The following TRIP11 variants were observed in gnomAD, a reference collection of about 807,000 sequenced individuals.
The protein encoded by TRIP11 is thyroid receptor-interacting protein 11.
A neutral mutation model predicts 223.1 loss-of-function variants in TRIP11; 148 were observed. The observed-to-expected ratio is 0.66, with a 90% confidence interval of 0.58 to 0.76. TRIP11 has a LOEUF of 0.76. Among genes scored for constraint, TRIP11 ranks in the 30% least tolerant of loss-of-function variants. TRIP11 has a pLI of 0.00. For synonymous variants in TRIP11, 762 were observed against 772.6 expected, an observed-to-expected ratio of 0.99 and a Z score of 0.23; for missense variants, 2,043 against 2,222.0, an observed-to-expected ratio of 0.92 and a Z score of 1.62.
chr14:92,017,113 G>A (rs932418225), intron 5 of TRIP11, among the ~76,000 whole-genome samples: 2 of 151,834 alleles, frequency 1.3e-5, no homozygotes, highest in African/African-American at 4.8e-5. Flanking sequence ...TAATAAAGAC[G>A]GTTTTACAAG....
chr14:92,021,434 A>T, intron 4 of TRIP11, 122 bp downstream of exon 4: 2 of 946,270 alleles, frequency 2.1e-6, no homozygotes, highest in Non-Finnish European at 3.2e-6. Context: ...GAATTAGAAT[A>T]CACCTTTTCT....
In TRIP11 at chr14:92,025,287, G is replaced by C. The variant is rs759234066; in HGVS notation, c.312+23C>G. On this transcript the variant is annotated intron_variant, in intron 3 of 20. Transcript: ENST00000267622. ...AAATACATTACAGTGAAGTACATAT[G>C]AAGTAACTGTGATAACATTTACCTC... 3 of 1,524,506 alleles carry C rather than the reference G, an allele frequency of 2.0e-6. No homozygotes were observed. The South Asian group carries it at 3.4e-5, about 17-fold the overall frequency. The allele number at this position is 1,524,506 out of a possible 1,614,324, so 94.4% of individuals were successfully genotyped here.
At chr14:91,990,381 G>A (rs1220383672) in intron 15 of TRIP11, among the ~76,000 whole-genome samples, 2 of 151,478 alleles carry the variant, frequency 1.3e-5, no homozygotes, top group East Asian at 1.9e-4. Context: ...CCAGTTGTTT[G>A]GTTTTTATTT....
chr14:91,992,341 G>C (rs890416882), intron 15 of TRIP11, among the ~76,000 whole-genome samples: 1 of 152,044 alleles, frequency 6.6e-6, no homozygotes, highest in African/African-American at 2.4e-5. Context: ...GGATGTGAAG[G>C]GGTGCATAAG....
chr14:92,001,219 TAG>T (rs1386693442), intron 11 of TRIP11, among the ~76,000 whole-genome samples: 3 of 152,206 alleles, frequency 2.0e-5, no homozygotes, highest in Non-Finnish European at 4.4e-5. Flanking sequence ...ATTTACAGTT[TAG>T]TATATTTTTA....
At chr14:91,995,750 G>C (rs913017823) in intron 13 of TRIP11, among the ~76,000 whole-genome samples, 1 of 151,778 alleles carries the variant, frequency 6.6e-6, no homozygotes, top group East Asian at 1.9e-4. Context: ...TGAGTAGCTG[G>C]GGTTATAGGC....
intron 6 of TRIP11, 71 bp downstream of exon 6, chr14:92,015,625 T>A: frequency 7.3e-7 from 1 of 1,369,438 alleles, no homozygotes; most frequent in Admixed American, 2.2e-5. Flanking sequence ...GCCAGTGCAC[T>A]CCAGCCTGGG....
At chr14:92,015,177 T>C (rs1361366927) in intron 6 of TRIP11, among the ~76,000 whole-genome samples, 1 of 152,136 alleles carries the variant, frequency 6.6e-6, no homozygotes, top group Non-Finnish European at 1.5e-5. Flanking sequence ...ATGCTGGGGT[T>C]ATAGCCATAA....
intron 14 of TRIP11, among the ~76,000 whole-genome samples, chr14:91,994,546 A>G (rs2056724028): frequency 6.6e-6 from 1 of 152,104 alleles, no homozygotes; most frequent in African/African-American, 2.4e-5. Flanking sequence ...GCCCGGCAAG[A>G]ATTCTTATAT....
In TRIP11 at chr14:92,000,122, A is replaced by G; in HGVS notation, c.4558-14T>C. 6.2e-7 allele frequency: 1 copy of G among 1,613,720 alleles called. No homozygotes were observed. The highest frequency in any genetic ancestry group is 8.5e-7 in the Non-Finnish European group (1 of 1,179,910). On this transcript the variant is annotated splice_polypyrimidine_tract_variant and intron_variant, in intron 11 of 20. Coordinates refer to ENST00000267622, the MANE Select transcript of TRIP11 (RefSeq NM_004239.4). ...TCCAGTCTTGCCCTTTTGGAAAGAA[A>G]AAATTTTAGCTTTAAAAAACACACA...
Position 92,020,708 on chromosome 14 carries a change from C to T in TRIP11, c.588+848G>A, listed in dbSNP as rs1192994909. Among the ~76,000 whole-genome samples, 3 of 149,610 alleles carry T rather than the reference C, an allele frequency of 2.0e-5. No individual in the cohort carries two copies. In the East Asian group the frequency reaches 5.8e-4, roughly 29 times the overall value. On this transcript the variant is annotated intron_variant, in intron 4 of 20. Transcript: ENST00000267622. ...GTTGCTTTTTTTTGAAAATTTTTTC[C>T]AAATAGTGTACAGAAAGGGAAACTC... is the stretch of plus-strand genomic sequence containing the variant.
chr14:92,038,780 T>C (rs2140155070), intron 1 of TRIP11, among the ~76,000 whole-genome samples: 1 of 152,324 alleles, frequency 6.6e-6, no homozygotes, highest in East Asian at 1.9e-4. Context: ...GATCCAAACA[T>C]TGCTTACTAA....
chr14:91,972,076 C>T (rs778372849), intron 20 of TRIP11, among the ~76,000 whole-genome samples: 27 of 152,200 alleles, frequency 1.8e-4, no homozygotes, highest in African/African-American at 4.6e-4. Context: ...AATTTTCTTG[C>T]GTGCCAGTAT....
chr14:92,018,610 C>T lies in TRIP11; in HGVS notation c.589-860G>A, dbSNP rs1167659600. ...AAAAATACAGGATTTAGTCAAAACACGTGTGTTTGAATCATAACTTAACCA... is the reference window on the plus strand; with the variant it reads ...AAAAATACAGGATTTAGTCAAAACATGTGTGTTTGAATCATAACTTAACCA... On this transcript the variant is annotated intron_variant, in intron 4 of 20. Coordinates refer to ENST00000267622, the MANE Select transcript of TRIP11 (RefSeq NM_004239.4). Among the ~76,000 whole-genome samples the T allele has an allele frequency of 3.3e-5, 5 of 151,968 alleles. No individual in the cohort carries two copies. The East Asian group carries it at 7.7e-4, about 23-fold the overall frequency.
chr14:91,988,187 G>T, intron 16 of TRIP11, 97 bp downstream of exon 16: 3 of 871,644 alleles, frequency 3.4e-6, no homozygotes, highest in Non-Finnish European at 5.6e-6. Flanking sequence ...CATCAATGAA[G>T]TTGGTCTCAC....
intron 11 of TRIP11, among the ~76,000 whole-genome samples, chr14:92,001,127 C>A (rs937750836): frequency 5.9e-5 from 9 of 152,128 alleles, no homozygotes; most frequent in Admixed American, 5.9e-4. Flanking sequence ...TCCCAAAGTG[C>A]TGGGATTACA....
chr14:91,987,387 G>A (rs576151433), intron 16 of TRIP11, among the ~76,000 whole-genome samples: 12 of 152,090 alleles, frequency 7.9e-5, no homozygotes, highest in Admixed American at 2.0e-4. Context: ...GTCTCCATGC[G>A]TCAGTGGTTC....
rs1431868915 is a variant in TRIP11 at position 91,974,736 on chromosome 14, T to A, written c.5465A>T (p.His1822Leu). The A allele has an allele frequency of 6.2e-7, 1 of 1,608,884 alleles. No homozygotes were observed. Among genetic ancestry groups the A allele is most frequent in the East Asian group, 2.2e-5 (1 of 44,750 alleles). ...CCTGGTAACACCGCCCTGATCGTCA[T>A]GAAACAACTGAAAGATTATTTTAAA... ...VRREEMEQLFHDDQGGVTRWM... is the reference protein window; with the variant it reads ...VRREEMEQLFLDDQGGVTRWM... The change falls in exon 19 of 21, where the codon CAT (histidine) becomes CTT (leucine). Residue 1822 changes from histidine (H) to leucine (L), a missense_variant. By Grantham distance (99) the His-to-Leu change is moderately conservative. Coordinates refer to ENST00000267622, the MANE Select transcript of TRIP11 (RefSeq NM_004239.4).
At chr14:91,971,762 T>C (rs977729861) in intron 20 of TRIP11, among the ~76,000 whole-genome samples, 3 of 152,182 alleles carry the variant, frequency 2.0e-5, no homozygotes, top group African/African-American at 7.2e-5. Flanking sequence ...TCACAAAATT[T>C]AGCAGGCAAA....
Sources: gnomAD v4.1 joint callset for allele counts (sites outside exome capture counted in the v4.1 genomes callset) on GRCh38, gnomAD v4.1.1 for gene constraint, MANE v1.5 for transcripts, NCBI Gene and HGNC (gene_info 2026-07-23, HGNC 2026-07-21) for gene names.